RABGAP1L: variants seen among roughly 807,000 people sequenced by gnomAD.
RABGAP1L encodes the protein RAB GTPase activating protein 1 like.
A neutral mutation model predicts 137.7 loss-of-function variants in RABGAP1L; 63 were observed. The observed-to-expected ratio is 0.46, with a 90% CI of 0.37 to 0.56. The LOEUF is 0.56. Among genes scored for constraint, RABGAP1L ranks in the 20% least tolerant of loss-of-function variants. The pLI is 0.00. For synonymous variants in RABGAP1L, 431 were observed against 433.7 expected, an observed-to-expected ratio of 0.99 and a Z score of 0.08; for missense variants, 1,095 against 1,244.0, an observed-to-expected ratio of 0.88 and a Z score of 1.80.
intron 1 of RABGAP1L, among the ~76,000 whole-genome samples, chr1:174,184,759 C>T (rs1170121260): frequency 6.6e-6 from 1 of 152,118 alleles, no homozygotes; most frequent in African/African-American, 2.4e-5. Flanking sequence ...CTGTTCTTGC[C>T]TAGAGTCTCT....
chr1:174,390,849 C>CT (rs1182285335), intron 12 of RABGAP1L, among the ~76,000 whole-genome samples: 2 of 152,130 alleles, frequency 1.3e-5, no homozygotes, highest in Non-Finnish European at 2.9e-5. Context: ...GGAGAAGAAA[C>CT]TGAGTTCAGA....
intron 13 of RABGAP1L, among the ~76,000 whole-genome samples, chr1:174,573,333 T>C (rs1160388656): frequency 6.6e-6 from 1 of 152,006 alleles, no homozygotes; most frequent in African/African-American, 2.4e-5. Flanking sequence ...TGTGTATATA[T>C]ATAACTTTTA....
At chr1:174,833,404 G>GTA (rs1306367413) in intron 19 of RABGAP1L, among the ~76,000 whole-genome samples, 5 of 41,040 alleles carry the variant, frequency 1.2e-4, no homozygotes, top group Non-Finnish European at 3.4e-4. Context: ...GTGTGTGTAT[G>GTA]TGTGTATGTG....
chr1:174,828,619 A>G (rs1691819347), intron 19 of RABGAP1L, among the ~76,000 whole-genome samples: 1 of 148,578 alleles, frequency 6.7e-6, no homozygotes, highest in South Asian at 2.2e-4. Flanking sequence ...AAACAAGGCT[A>G]ATACCTACTG....
At chr1:174,650,880 T>C (rs1675423800) in intron 14 of RABGAP1L, among the ~76,000 whole-genome samples, 1 of 140,910 alleles carries the variant, frequency 7.1e-6, no homozygotes, top group Non-Finnish European at 1.5e-5. Flanking sequence ...CTGCTAGCTT[T>C]TGAATGTGTT....
intron 18 of RABGAP1L, among the ~76,000 whole-genome samples, chr1:174,779,181 T>C (rs1686762223): frequency 6.6e-6 from 1 of 152,198 alleles, no homozygotes; most frequent in Non-Finnish European, 1.5e-5. Context: ...GAGTACTGTT[T>C]CCTAAAAACA....
At chr1:174,609,341 C>G (rs1375194026) in intron 13 of RABGAP1L, among the ~76,000 whole-genome samples, 1 of 152,114 alleles carries the variant, frequency 6.6e-6, no homozygotes, top group Non-Finnish European at 1.5e-5. Flanking sequence ...GTTGCATTTT[C>G]TTTCTTTTTA....
chr1:174,498,232 G>A (rs1161491023), intron 13 of RABGAP1L, among the ~76,000 whole-genome samples: 1 of 152,002 alleles, frequency 6.6e-6, no homozygotes, highest in Non-Finnish European at 1.5e-5. Flanking sequence ...GAATGTATAT[G>A]TAAACCTAAC....
intron 13 of RABGAP1L, among the ~76,000 whole-genome samples, chr1:174,550,352 C>T (rs930446698): frequency 6.6e-6 from 1 of 152,138 alleles, no homozygotes; most frequent in Admixed American, 6.5e-5. Flanking sequence ...TTGATCAGTA[C>T]ACATGATGTG....
At chr1:174,932,746 T>G (rs889496031) in intron 19 of RABGAP1L, among the ~76,000 whole-genome samples, 1 of 152,198 alleles carries the variant, frequency 6.6e-6, no homozygotes, top group Non-Finnish European at 1.5e-5. Context: ...GTATTATATC[T>G]TATTCTACCA....
At chr1:174,681,067 A>G (rs756485169) in intron 14 of RABGAP1L, among the ~76,000 whole-genome samples, 4 of 152,230 alleles carry the variant, frequency 2.6e-5, no homozygotes, top group Non-Finnish European at 5.9e-5. Flanking sequence ...GACAGTATCA[A>G]GTATTGACAA....
At chr1:174,223,461 A>G (rs1259380755) in intron 3 of RABGAP1L, among the ~76,000 whole-genome samples, 1 of 150,618 alleles carries the variant, frequency 6.6e-6, no homozygotes. Flanking sequence ...AAAAAAAAAA[A>G]AGATTTAACG....
At chr1:174,202,220 C>T (rs973552792) in intron 1 of RABGAP1L, among the ~76,000 whole-genome samples, 223 of 152,214 alleles carry the variant, frequency 1.5e-3, no homozygotes, top group Middle Eastern at 3.4e-3. Context: ...CCTGAGGAAT[C>T]GCTACACTGA....
chr1:174,392,584 A>T (rs1647287170), intron 12 of RABGAP1L, among the ~76,000 whole-genome samples: 1 of 152,210 alleles, frequency 6.6e-6, no homozygotes, highest in Non-Finnish European at 1.5e-5. Flanking sequence ...GTTTACTAAA[A>T]TTATTAATGG....
intron 18 of RABGAP1L, among the ~76,000 whole-genome samples, chr1:174,790,631 A>AG (rs1294955871): frequency 6.6e-6 from 1 of 151,300 alleles, no homozygotes; most frequent in Non-Finnish European, 1.5e-5. Context: ...TGAAAAAAAA[A>AG]AAGAAAAGAG....
At chr1:174,315,282 T>C (rs1382543244) in intron 11 of RABGAP1L, among the ~76,000 whole-genome samples, 2 of 152,166 alleles carry the variant, frequency 1.3e-5, no homozygotes, top group Non-Finnish European at 2.9e-5. Context: ...AGTCTATTTT[T>C]CCACTATAAG....
intron 13 of RABGAP1L, among the ~76,000 whole-genome samples, chr1:174,596,709 C>A (rs1260203303): frequency 1.3e-5 from 2 of 152,102 alleles, no homozygotes; most frequent in African/African-American, 2.4e-5. Context: ...ACCTTTATTT[C>A]TTTATCTTAT....
At chr1:174,674,558 G>A (rs1364049782) in intron 14 of RABGAP1L, among the ~76,000 whole-genome samples, 5 of 151,680 alleles carry the variant, frequency 3.3e-5, no homozygotes, top group Admixed American at 2.0e-4. Flanking sequence ...ACGTGTGCAC[G>A]TGTCTTTATA....
chr1:174,635,243 A>G (rs1005640077), intron 13 of RABGAP1L, among the ~76,000 whole-genome samples: 1 of 152,114 alleles, frequency 6.6e-6, no homozygotes, highest in Non-Finnish European at 1.5e-5. Context: ...CTCTCTCTTA[A>G]TGTCCTGAAA....
Sources: gnomAD v4.1 joint callset for allele counts (sites outside exome capture counted in the v4.1 genomes callset) on GRCh38, gnomAD v4.1.1 for gene constraint, MANE v1.5 for transcripts, NCBI Gene and HGNC (gene_info 2026-07-23, HGNC 2026-07-21) for gene names.